Variants in SPTBN4 observed in about 807,000 individuals in gnomAD.
SPTBN4 encodes the protein spectrin beta chain, non-erythrocytic 4.
SPTBN4 carries 96 observed loss-of-function variants against 277.8 expected under a neutral mutation model. That is an observed-to-expected ratio of 0.35 (90% CI 0.29 to 0.41). SPTBN4 has a LOEUF of 0.41. Ranked by LOEUF, SPTBN4 falls within the 10% of genes least tolerant of loss-of-function variation. The pLI is 1.00. For missense variants in SPTBN4, 3,006 were observed against 3,595.7 expected (o/e 0.84, Z 4.19); for synonymous variants, 1,481 against 1,580.3 (o/e 0.94, Z 1.49).
Position 40,513,359 on chromosome 19 carries a change from T to C in SPTBN4, c.2570T>C (p.Val857Ala). 6.3e-7 allele frequency: 1 copy of C among 1,598,312 alleles called. No individual in the cohort carries two copies. The highest frequency in any genetic ancestry group is 1.1e-5 in the South Asian group (1 of 88,822). ...GTGGTGGCGCTGCAGGTGCGCGTGG[T>C]GGAAGCAGAGCAGTTGTTCGCTGAG... ...PLVVALQVRV[V>A]EAEQLFAEVT... is the part of the protein sequence containing the mutation. Residue 857 changes from valine (V) to alanine (A), a missense_variant, in exon 14 of 36, where the codon GTG (valine) becomes GCG (alanine). This residue lies in a region of SPTBN4 where 1,759 missense variants were observed against 2,061.5 expected (regional missense o/e 0.85). Coordinates refer to ENST00000598249, the MANE Select transcript of SPTBN4 (RefSeq NM_020971.3).
At position 40,557,492 on chromosome 19, in the gene SPTBN4, C is replaced by G. The variant is rs539538730; in HGVS notation, c.5670+89C>G. ...GCAAAAATCAGGCTGTGGAGCAGGTCGAAATTAGGCAGTGGCACAGACAGA... is the reference window on the plus strand; with the variant it reads ...GCAAAAATCAGGCTGTGGAGCAGGTGGAAATTAGGCAGTGGCACAGACAGA... On this transcript the variant is annotated intron_variant, in intron 26 of 35. Transcript: ENST00000598249. 5 of 1,441,516 alleles carry G rather than the reference C, an allele frequency of 3.5e-6. No homozygotes were observed. In the South Asian group the frequency reaches 7.3e-5, roughly 21 times the overall value. 89.3% of individuals were successfully genotyped at this position (1,441,516 alleles called of 1,614,324 possible).
chr19:40,474,297 AT>A (rs1367955593), intron 2 of SPTBN4, among the ~76,000 whole-genome samples: 2 of 150,856 alleles, frequency 1.3e-5, no homozygotes, highest in Non-Finnish European at 3.0e-5. Flanking sequence ...TTGGGACTTG[AT>A]AATACTAAAC....
intron 16 of SPTBN4, among the ~76,000 whole-genome samples, chr19:40,521,556 A>G (rs548582966): frequency 2.0e-5 from 3 of 152,154 alleles, no homozygotes; most frequent in East Asian, 1.9e-4. Context: ...GCAGTTCACA[A>G]TAGGGTTTGT....
At chr19:40,498,700 G>A (rs1226754560) in intron 7 of SPTBN4, among the ~76,000 whole-genome samples, 7 of 146,952 alleles carry the variant, frequency 4.8e-5, no homozygotes, top group East Asian at 2.1e-4. Context: ...CACCATGCCC[G>A]GCCTATTTAT....
intron 33 of SPTBN4, 200 bp downstream of exon 33, chr19:40,570,928 C>A (rs1406932350): frequency 1.3e-5 from 7 of 543,440 alleles, no homozygotes. Flanking sequence ...TGTGGTTTAA[C>A]GTCAGGCCCT....
rs189309645 is a variant in SPTBN4 at position 40,534,039 on chromosome 19, T to A, written c.4096-41T>A. On this transcript the variant is annotated intron_variant, in intron 19 of 35. Transcript: ENST00000598249. ...CTTCTCTGATTCTCCCCACCATCTATCTATCTTCTCCATCTCCTGCCATCC... is the reference window on the plus strand; with the variant it reads ...CTTCTCTGATTCTCCCCACCATCTAACTATCTTCTCCATCTCCTGCCATCC... 6.5e-5 allele frequency: 102 copies of A among 1,561,666 alleles called. No individual in the cohort carries two copies. In the African/African-American group the frequency reaches 7.0e-4, roughly 11 times the overall value.
chr19:40,537,718 C>A (rs577416941), intron 20 of SPTBN4, among the ~76,000 whole-genome samples: 8 of 152,088 alleles, frequency 5.3e-5, no homozygotes, highest in African/African-American at 1.9e-4. Flanking sequence ...TCAATACCAC[C>A]TTTAGTCCCT....
intron 20 of SPTBN4, among the ~76,000 whole-genome samples, chr19:40,537,878 TC>T (rs2080756356): frequency 6.6e-6 from 1 of 152,126 alleles, no homozygotes; most frequent in African/African-American, 2.4e-5. Flanking sequence ...ACTGTCAGGG[TC>T]CCAGCCAGAA....
intron 1 of SPTBN4, among the ~76,000 whole-genome samples, chr19:40,468,984 A>T (rs1397869515): frequency 6.6e-6 from 1 of 152,138 alleles, no homozygotes; most frequent in Non-Finnish European, 1.5e-5. Flanking sequence ...CTCTAGTCCC[A>T]TCTACTCAGG....
At chr19:40,516,775 G>T (rs1172201137) in intron 15 of SPTBN4, among the ~76,000 whole-genome samples, 2 of 152,152 alleles carry the variant, frequency 1.3e-5, no homozygotes, top group East Asian at 3.8e-4. Flanking sequence ...AGTGAGCCAA[G>T]ATCACACCAC....
intron 20 of SPTBN4, among the ~76,000 whole-genome samples, chr19:40,541,368 C>T (rs1197706421): frequency 6.6e-6 from 1 of 152,146 alleles, no homozygotes; most frequent in Non-Finnish European, 1.5e-5. Flanking sequence ...ACTCCTGGGC[C>T]CTTTTCCCAG....
intron 27 of SPTBN4, among the ~76,000 whole-genome samples, chr19:40,562,787 T>C (rs923630357): frequency 5.9e-5 from 9 of 151,966 alleles, no homozygotes; most frequent in Admixed American, 2.0e-4. Flanking sequence ...TGAGCCAAGA[T>C]TGTGCCATTG....
intron 1 of SPTBN4, among the ~76,000 whole-genome samples, chr19:40,470,609 T>C (rs2079873683): frequency 6.9e-6 from 1 of 144,476 alleles, no homozygotes; most frequent in Non-Finnish European, 1.5e-5. Flanking sequence ...GCCTGCCCCC[T>C]CCACTTTAAA....
At chr19:40,524,538 C>T (rs562763207) in intron 17 of SPTBN4, 226 of 454,528 alleles carry the variant, frequency 5.0e-4, no homozygotes, top group South Asian at 1.0e-3. Context: ...TAACTTACTT[C>T]CCTAGATGCC....
intron 1 of SPTBN4, among the ~76,000 whole-genome samples, chr19:40,470,683 A>G (rs1188522350): frequency 6.6e-6 from 1 of 151,156 alleles, no homozygotes; most frequent in African/African-American, 2.4e-5. Flanking sequence ...CCCAGGATAG[A>G]GTGCAGTGGC....
At chr19:40,494,029 C>T (rs148347967) in intron 5 of SPTBN4, among the ~76,000 whole-genome samples, 186 of 152,268 alleles carry the variant, frequency 1.2e-3, no homozygotes, top group Non-Finnish European at 2.1e-3. Flanking sequence ...GAGCTGGTGG[C>T]GGGGTGGGGT....
In SPTBN4 at chr19:40,557,384, T is replaced by G; in HGVS notation, c.5651T>G (p.Leu1884Arg). ...QRTLRAFEHD[L>R]QLLVSQVRQL... is the part of the protein sequence containing the mutation. ...ACCCTGAGAGCCTTTGAGCATGACC[T>G]GCAGCTCCTCGTGTCCCAGGTGGGG... is the stretch of plus-strand genomic sequence containing the variant. Residue 1884 changes from leucine to arginine, a missense_variant, in exon 26 of 36, where the codon CTG (leucine) becomes CGG (arginine). Transcript: ENST00000598249. 1 of 1,573,964 alleles carries G rather than the reference T, an allele frequency of 6.4e-7. No homozygotes were observed. Among genetic ancestry groups the G allele is most frequent in the Non-Finnish European group, 8.7e-7 (1 of 1,155,754 alleles).
chr19:40,484,476 T>A (rs1173011119), intron 2 of SPTBN4, among the ~76,000 whole-genome samples: 2 of 152,162 alleles, frequency 1.3e-5, no homozygotes, highest in Non-Finnish European at 2.9e-5. Flanking sequence ...CTCGAGATGA[T>A]CAACACAGTT....
At chr19:40,476,071 G>A (rs994506774) in intron 2 of SPTBN4, among the ~76,000 whole-genome samples, 3 of 151,734 alleles carry the variant, frequency 2.0e-5, no homozygotes, top group African/African-American at 7.3e-5. Flanking sequence ...CTGGTTAGGC[G>A]CGGTAGCTCA....
Sources: gnomAD v4.1 joint callset for allele counts (sites outside exome capture counted in the v4.1 genomes callset) on GRCh38, gnomAD v4.1.1 for gene constraint, gnomAD v4.1.1 regional missense constraint, MANE v1.5 for transcripts, NCBI Gene and HGNC (gene_info 2026-07-23, HGNC 2026-07-21) for gene names.